ROBO2: variants seen among roughly 807,000 people sequenced by gnomAD.
ROBO2 encodes roundabout guidance receptor 2, also known as roundabout homolog 2.
ROBO2 carries 53 observed loss-of-function variants against 160.8 expected under a neutral mutation model. That is an observed-to-expected ratio of 0.33 (90% CI 0.26 to 0.41). ROBO2 has a LOEUF of 0.41. Among genes scored for constraint, ROBO2 ranks in the 10% least tolerant of loss-of-function variants. ROBO2 has a pLI of 1.00. For missense variants in ROBO2, 1,577 were observed against 1,722.4 expected, an observed-to-expected ratio of 0.92 and a Z score of 1.49; for synonymous variants, 664 against 611.7, an observed-to-expected ratio of 1.09 and a Z score of -1.26.
At chr3:76,538,614 A>T (rs1449491739) in intron 2 of ROBO2, among the ~76,000 whole-genome samples, 2 of 152,200 alleles carry the variant, frequency 1.3e-5, no homozygotes, top group Non-Finnish European at 2.9e-5. Flanking sequence ...GAACTGGGGT[A>T]CATGTTGTGC....
intron 2 of ROBO2, among the ~76,000 whole-genome samples, chr3:77,294,504 T>A (rs867862588): frequency 0.016 from 1,328 of 84,866 alleles, no homozygotes; most frequent in Middle Eastern, 0.059. Flanking sequence ...CCCCAGACAT[T>A]AAGTAAAATT....
intron 2 of ROBO2, among the ~76,000 whole-genome samples, chr3:76,645,781 G>T (rs2090936191): frequency 6.6e-6 from 1 of 152,144 alleles, no homozygotes; most frequent in Admixed American, 6.5e-5. Context: ...AGAAATTCAG[G>T]AGAGAAAAGA....
chr3:76,514,877 A>G (rs1362905159), intron 2 of ROBO2, among the ~76,000 whole-genome samples: 3 of 152,206 alleles, frequency 2.0e-5, no homozygotes, highest in African/African-American at 7.2e-5. Flanking sequence ...TTCTTTCCAT[A>G]ATGTTGTTCA....
intron 2 of ROBO2, among the ~76,000 whole-genome samples, chr3:77,164,474 C>T (rs189484452): frequency 6.1e-3 from 389 of 64,272 alleles, no homozygotes; most frequent in Middle Eastern, 0.017. Context: ...CAGTGCTGTC[C>T]GGGAGGGAGG....
intron 2 of ROBO2, among the ~76,000 whole-genome samples, chr3:77,383,934 G>A (rs1460184892): frequency 6.6e-6 from 1 of 152,054 alleles, no homozygotes; most frequent in Non-Finnish European, 1.5e-5. Context: ...GTTTAAGGAG[G>A]GAAGAGATTG....
chr3:76,386,517 G>A (rs2076898433), intron 2 of ROBO2, among the ~76,000 whole-genome samples: 1 of 151,856 alleles, frequency 6.6e-6, no homozygotes, highest in South Asian at 2.1e-4. Flanking sequence ...CTTTTTTAAG[G>A]GTTTTTTAGG....
chr3:76,266,141 A>G (rs555266597), intron 2 of ROBO2, among the ~76,000 whole-genome samples: 20 of 152,254 alleles, frequency 1.3e-4, no homozygotes, highest in Admixed American at 3.9e-4. Flanking sequence ...TCATTTTCTC[A>G]ATGTGATATA....
intron 2 of ROBO2, among the ~76,000 whole-genome samples, chr3:77,291,252 T>C (rs112784575): frequency 6.6e-6 from 1 of 151,114 alleles, no homozygotes; most frequent in Non-Finnish European, 1.5e-5. Flanking sequence ...AAATTGACGG[T>C]TAAACGGGTA....
intron 2 of ROBO2, among the ~76,000 whole-genome samples, chr3:76,961,383 T>C (rs1394554389): frequency 6.6e-6 from 1 of 152,006 alleles, no homozygotes; most frequent in East Asian, 1.9e-4. Flanking sequence ...CAGAGAGGGT[T>C]CACAGAACTT....
At chr3:76,685,984 G>C (rs2092677179) in intron 2 of ROBO2, among the ~76,000 whole-genome samples, 1 of 152,110 alleles carries the variant, frequency 6.6e-6, no homozygotes, top group Admixed American at 6.6e-5. Context: ...ATAAGCAAAA[G>C]GTTAATGAGA....
chr3:77,221,833 T>C (rs1000017675), intron 2 of ROBO2, among the ~76,000 whole-genome samples: 2 of 151,798 alleles, frequency 1.3e-5, no homozygotes, highest in African/African-American at 4.8e-5. Context: ...ACTTTTTCTT[T>C]TTTCTTTTCT....
chr3:76,068,925 T>G (rs1392736389), intron 2 of ROBO2, among the ~76,000 whole-genome samples: 1 of 152,196 alleles, frequency 6.6e-6, no homozygotes, highest in African/African-American at 2.4e-5. Context: ...ATATTGTCAA[T>G]TCTGTTTACC....
intron 2 of ROBO2, among the ~76,000 whole-genome samples, chr3:76,405,256 A>G (rs939408408): frequency 6.6e-6 from 1 of 151,412 alleles, no homozygotes; most frequent in Non-Finnish European, 1.5e-5. Flanking sequence ...AAAGGCTCTT[A>G]TATGAGAACA....
rs149837487 is a variant in ROBO2 at position 76,707,170 on chromosome 3, C to T, written c.110-390844C>T. Among the ~76,000 whole-genome samples the T allele has an allele frequency of 7.2e-3, 1,091 of 152,076 alleles. 10 individuals carry two copies. The highest frequency in any genetic ancestry group is 0.021 in the African/African-American group (887 of 41,482). On this transcript the variant is annotated intron_variant, in intron 2 of 26. Coordinates refer to the ROBO2 transcript ENST00000487694. ...TTTATTTGTTTTAAAGCCAGAAGAG[C>T]ATTACTCTTGCAGGATCCAACTTTT...
chr3:77,365,208 A>C (rs1373454039), intron 2 of ROBO2, among the ~76,000 whole-genome samples: 1 of 151,308 alleles, frequency 6.6e-6, no homozygotes, highest in Non-Finnish European at 1.5e-5. Context: ...GTGGGAAAGT[A>C]TGGAAGGTTC....
intron 2 of ROBO2, among the ~76,000 whole-genome samples, chr3:76,328,858 C>G (rs1175881141): frequency 2.1e-5 from 3 of 145,456 alleles, no homozygotes; most frequent in African/African-American, 7.6e-5. Context: ...GACTCCGTCT[C>G]AAAACAAACA....
At position 77,018,824 on chromosome 3, in the gene ROBO2, C is replaced by T. The variant is rs549296169; in HGVS notation, c.110-79190C>T. Among the ~76,000 whole-genome samples the T allele has an allele frequency of 3.9e-5, 6 of 152,152 alleles. No homozygotes were observed. The South Asian group carries it at 8.3e-4, about 21-fold the overall frequency. On this transcript the variant is annotated intron_variant, in intron 2 of 26. Coordinates refer to the ROBO2 transcript ENST00000487694. ...CTAGAGTAGTAAAATTTATAGAGAC[C>T]GAAACCAGAATGGTGGTTGACAGAG...
intron 2 of ROBO2, among the ~76,000 whole-genome samples, chr3:76,906,324 A>G (rs866506880): frequency 3.3e-5 from 5 of 151,918 alleles, no homozygotes; most frequent in Non-Finnish European, 4.4e-5. Context: ...ATTCAATGCA[A>G]TATATGTAGA....
intron 2 of ROBO2, among the ~76,000 whole-genome samples, chr3:76,331,347 A>T (rs1333674547): frequency 6.6e-6 from 1 of 152,286 alleles, no homozygotes; most frequent in East Asian, 1.9e-4. Flanking sequence ...AGCAATTAGG[A>T]ATAACTTATT....
Sources: gnomAD v4.1 joint callset for allele counts (sites outside exome capture counted in the v4.1 genomes callset) on GRCh38, gnomAD v4.1.1 for gene constraint, MANE v1.5 for transcripts, NCBI Gene and HGNC (gene_info 2026-07-23, HGNC 2026-07-21) for gene names.